The following ZNF385D variants were observed in gnomAD, a reference collection of about 807,000 sequenced individuals.
ZNF385D encodes the protein zinc finger protein 385D, also known as zinc finger protein 659.
In ZNF385D, 15 loss-of-function variants were observed where a neutral mutation model predicts 35.8. The observed-to-expected ratio is 0.42, with a 90% CI of 0.28 to 0.64. The LOEUF (loss-of-function observed/expected upper bound fraction) is 0.64, where lower values mean the gene tolerates loss of function less well. Ranked by LOEUF, ZNF385D falls within the 30% of genes least tolerant of loss-of-function variation. The probability of loss-of-function intolerance (pLI) is 0.23; values close to 1 mark genes in which losing one functional copy is unlikely to be tolerated. For synonymous variants in ZNF385D, 212 were observed against 186.8 expected (o/e 1.13, Z -1.10); for missense variants, 474 against 494.6 (o/e 0.96, Z 0.39).
chr3:21,650,695 C>T (rs1048069698), intron 2 of ZNF385D, among the ~76,000 whole-genome samples: 1 of 152,218 alleles, frequency 6.6e-6, no homozygotes, highest in East Asian at 1.9e-4. Context: ...ATTCTACATG[C>T]TCACCTCTCA....
At chr3:21,843,892 C>T (rs920225334) in intron 3 of ZNF385D, among the ~76,000 whole-genome samples, 1 of 151,926 alleles carries the variant, frequency 6.6e-6, no homozygotes, top group African/African-American at 2.4e-5. Context: ...TTCAAAGCAT[C>T]TCATTTCCTG....
chr3:22,215,987 C>A (rs1426503693), intron 2 of ZNF385D, among the ~76,000 whole-genome samples: 1 of 151,890 alleles, frequency 6.6e-6, no homozygotes, highest in Non-Finnish European at 1.5e-5. Flanking sequence ...GCTGAATTTC[C>A]CCCAATAGCT....
chr3:21,957,465 T>G (rs1406182665), intron 3 of ZNF385D, among the ~76,000 whole-genome samples: 1 of 152,116 alleles, frequency 6.6e-6, no homozygotes, highest in Non-Finnish European at 1.5e-5. Context: ...GATAGCAATA[T>G]GAACAATAAG....
At chr3:21,864,078 C>T (rs551717723) in intron 3 of ZNF385D, among the ~76,000 whole-genome samples, 3 of 152,080 alleles carry the variant, frequency 2.0e-5, no homozygotes, top group African/African-American at 7.2e-5. Flanking sequence ...AAGGAGTGTG[C>T]CTCTACCGAT....
intron 3 of ZNF385D, among the ~76,000 whole-genome samples, chr3:21,824,199 T>C (rs1381101816): frequency 1.3e-5 from 2 of 152,190 alleles, no homozygotes; most frequent in Non-Finnish European, 2.9e-5. Context: ...CCCTGAGACT[T>C]CTGAGCAAAA....
At chr3:21,867,221 C>CCCTTTTATAGTGG (rs1697413996) in intron 3 of ZNF385D, among the ~76,000 whole-genome samples, 1 of 152,116 alleles carries the variant, frequency 6.6e-6, no homozygotes, top group Non-Finnish European at 1.5e-5. Flanking sequence ...TGGCATTAAT[C>CCCTTTTATAGTGG]CATTATTGAG....
chr3:21,428,660 G>T (rs1195210776), intron 5 of ZNF385D, among the ~76,000 whole-genome samples: 1 of 151,852 alleles, frequency 6.6e-6, no homozygotes, highest in African/African-American at 2.4e-5. Flanking sequence ...TGTGGCCGGT[G>T]GTCTCCTCTG....
At position 22,231,323 on chromosome 3, in the gene ZNF385D, A is replaced by G. The variant is rs532146092; in HGVS notation, c.107-62288T>C. 2.6e-5 allele frequency among the ~76,000 whole-genome samples: 4 copies of G among 152,206 alleles called. No individual in the cohort carries two copies. In the East Asian group the frequency reaches 7.7e-4, roughly 29 times the overall value. ...TGTGCCTATTATAAGCAAAAAGACT[A>G]TTGGCAATGAGAATGTCCTTACTGT... On this transcript the variant is annotated intron_variant, in intron 2 of 5. Coordinates refer to the ZNF385D transcript ENST00000494108.
intron 2 of ZNF385D, among the ~76,000 whole-genome samples, chr3:22,204,979 C>CAAAA (rs761954306): frequency 4.4e-4 from 41 of 92,958 alleles, no homozygotes; most frequent in Middle Eastern, 7.9e-3. Flanking sequence ...TGACCAAATC[C>CAAAA]AAAAAAAAAA....
intron 3 of ZNF385D, among the ~76,000 whole-genome samples, chr3:21,781,759 A>G (rs572768785): frequency 1.3e-5 from 2 of 152,080 alleles, no homozygotes; most frequent in South Asian, 4.1e-4. Flanking sequence ...ATAAGCAGAT[A>G]TTTGGAGGCT....
chr3:22,210,708 A>T (rs754384558), intron 2 of ZNF385D, among the ~76,000 whole-genome samples: 1 of 151,858 alleles, frequency 6.6e-6, no homozygotes, highest in Non-Finnish European at 1.5e-5. Context: ...GAGATTAATT[A>T]ATCTCTCACC....
chr3:22,325,851 T>A (rs1195879729), intron 2 of ZNF385D, among the ~76,000 whole-genome samples: 1 of 152,068 alleles, frequency 6.6e-6, no homozygotes, highest in Non-Finnish European at 1.5e-5. Context: ...TCTCTAAAGG[T>A]CTGGTAGTTT....
Position 21,670,885 on chromosome 3 carries a change from A to T in ZNF385D, c.23-5857T>A, listed in dbSNP as rs199962554. The stretch of plus-strand genomic sequence containing the variant: ...CTCCGTTTTAAGTTTCCACAAAAAA[A>T]ATGGACCAGCATTCCTTGTGGGTAA... On this transcript the variant is annotated intron_variant, in intron 1 of 7. Transcript: ENST00000281523. Among the ~76,000 whole-genome samples, 134 of 152,006 alleles carry T rather than the reference A, an allele frequency of 8.8e-4. 1 individual carries two copies. The highest frequency in any genetic ancestry group is 7.8e-3 in the East Asian group (40 of 5,138).
chr3:21,912,279 G>A (rs1008108384), intron 3 of ZNF385D, among the ~76,000 whole-genome samples: 7 of 150,382 alleles, frequency 4.7e-5, no homozygotes, highest in East Asian at 1.9e-4. Flanking sequence ...ATAACCCCAA[G>A]TAGTTTACCC....
chr3:21,937,257 G>T (rs765943387), intron 3 of ZNF385D, among the ~76,000 whole-genome samples: 7 of 151,796 alleles, frequency 4.6e-5, no homozygotes, highest in Non-Finnish European at 8.8e-5. Flanking sequence ...TACAATAAAG[G>T]TCTGTGATCC....
intron 1 of ZNF385D, among the ~76,000 whole-genome samples, chr3:21,750,527 G>A (rs1426439760): frequency 6.6e-6 from 1 of 152,128 alleles, no homozygotes; most frequent in Non-Finnish European, 1.5e-5. Flanking sequence ...AGCATCAATT[G>A]TATAGAAACT....
chr3:21,539,993 TAAAAC>T lies in ZNF385D; in HGVS notation c.276+24576_276+24580del, dbSNP rs1269183517. ...ATATTCCCTAGCCCAAGCCAAAACA[TAAAAC>T]AAAAACCTAACTTAAGAGACCATTA... On this transcript the variant is annotated intron_variant, in intron 3 of 7. Transcript: ENST00000281523. The surrounding 1 kb of genome is among the most constrained non-coding windows in gnomAD (Gnocchi z 4.0). Among the ~76,000 whole-genome samples the T allele has an allele frequency of 1.3e-5, 2 of 152,058 alleles. No homozygotes were observed. The highest frequency in any genetic ancestry group is 2.4e-5 in the African/African-American group (1 of 41,422).
intron 3 of ZNF385D, among the ~76,000 whole-genome samples, chr3:21,893,209 T>A (rs1403203332): frequency 6.6e-6 from 1 of 152,146 alleles, no homozygotes; most frequent in Non-Finnish European, 1.5e-5. Flanking sequence ...TTAGAAGCAT[T>A]GTAGACATAA....
chr3:21,717,458 A>G (rs777107076), intron 1 of ZNF385D, among the ~76,000 whole-genome samples: 1 of 152,212 alleles, frequency 6.6e-6, no homozygotes, highest in Non-Finnish European at 1.5e-5. Context: ...GATTGCGATC[A>G]GTGCTTAATA....
Sources: gnomAD v4.1 joint callset for allele counts (sites outside exome capture counted in the v4.1 genomes callset) on GRCh38, gnomAD v4.1.1 for gene constraint, Gnocchi (gnomAD v3.1) non-coding constraint, MANE v1.5 for transcripts, NCBI Gene and HGNC (gene_info 2026-07-23, HGNC 2026-07-21) for gene names.